MCL1: variants seen among roughly 807,000 people sequenced by gnomAD.
MCL1 encodes induced myeloid leukemia cell differentiation protein Mcl-1.
A neutral mutation model predicts 24.2 loss-of-function variants in MCL1; 4 were observed. That is an observed-to-expected ratio of 0.17 (90% confidence interval 0.08 to 0.38). The LOEUF (loss-of-function observed/expected upper bound fraction) is 0.38. Among genes scored for constraint, MCL1 ranks in the 10% least tolerant of loss-of-function variants. The pLI is 1.00. For missense variants in MCL1, 529 were observed against 480.3 expected (o/e 1.10, Z -0.95); for synonymous variants, 248 against 214.0 (o/e 1.16, Z -1.39).
At position 150,575,569 on chromosome 1, in the gene MCL1, AAAC is replaced by A. The variant is rs1647763994; in HGVS notation, c.*1803_*1805del. 2 of 233,074 alleles carry A rather than the reference AAAC, an allele frequency of 8.6e-6. No homozygotes were observed. Among genetic ancestry groups the A allele is most frequent in the Non-Finnish European group, 8.5e-6 (1 of 117,998 alleles). 14.4% of individuals were successfully genotyped at this position (233,074 alleles called of 1,614,324 possible). The stretch of plus-strand genomic sequence containing the variant: ...ACACATTGCCCCCAAAGACAGGATA[AAAC>A]AATAGTTGAAAAGATACCAGTCCAA... On this transcript the variant is annotated 3_prime_UTR_variant, in exon 3 of 3. Transcript: ENST00000369026.
In MCL1 at chr1:150,575,701, T is replaced by G. The variant is rs906932161; in HGVS notation, c.*1674A>C. ...AAGTTCGTGAAAGATGAAAGGTCTG[T>G]GGACTCTTGGTGGGGAGGGAGGGTC... On this transcript the variant is annotated 3_prime_UTR_variant, in exon 3 of 3. Coordinates refer to ENST00000369026, the MANE Select transcript of MCL1 (RefSeq NM_021960.5). The G allele has an allele frequency of 8.6e-6, 2 of 233,086 alleles. No homozygotes were observed. The highest frequency in any genetic ancestry group is 4.4e-5 in the African/African-American group (2 of 45,326). 14.4% of individuals were successfully genotyped at this position (233,086 alleles called of 1,614,324 possible).
At position 150,579,005 on chromosome 1, in the gene MCL1, G is replaced by A. The variant is rs2101698293; in HGVS notation, c.526C>T (p.Arg176Trp). Residue 176 changes from arginine (R) to tryptophan (W), a missense_variant, in exon 1 of 3, where the codon CGG (arginine) becomes TGG (tryptophan). Coordinates refer to ENST00000369026, the MANE Select transcript of MCL1 (RefSeq NM_021960.5). ...CGAGAGATAATCTCCAGCGACTGCC[G>A]GTACAACTCGTCCTCCTCCTCCTCT... ...PAEEEEDELY[R>W]QSLEIISRYL... 4 of 1,613,592 alleles carry A rather than the reference G, an allele frequency of 2.5e-6. No individual in the cohort carries two copies. The highest frequency in any genetic ancestry group is 1.1e-5 in the South Asian group (1 of 91,078).
At position 150,576,992 on chromosome 1, in the gene MCL1, C is replaced by T. The variant is rs947252336; in HGVS notation, c.*383G>A. The T allele has an allele frequency of 1.7e-5, 5 of 286,578 alleles. No homozygotes were observed. In the South Asian group the frequency reaches 2.0e-4, roughly 11 times the overall value. The allele number at this position is 286,578 out of a possible 1,614,324, so 17.8% of individuals were successfully genotyped here. A position where few individuals can be genotyped will look rare whatever the true frequency, so the allele number is the denominator to read the frequency against. ...ATTCTTAGTGCTTCTCTTAACACTACAGTAAATTAATGAATTCGGCGGGTA... is the reference window on the plus strand; with the variant it reads ...ATTCTTAGTGCTTCTCTTAACACTATAGTAAATTAATGAATTCGGCGGGTA... On this transcript the variant is annotated 3_prime_UTR_variant, in exon 3 of 3. Coordinates refer to ENST00000369026, the MANE Select transcript of MCL1 (RefSeq NM_021960.5).
At chr1:150,578,798 T>C (rs1370760935) in intron 1 of MCL1, 45 bp downstream of exon 1, 3 of 1,568,360 alleles carry the variant, frequency 1.9e-6, no homozygotes, top group African/African-American at 2.7e-5. Context: ...CGGGGAGAGA[T>C]GGAAAAAAGG....
At position 150,574,717 on chromosome 1, in the gene MCL1, A is replaced by AC. The variant is rs1036627235; in HGVS notation, c.*2657dup. The AC allele has an allele frequency of 3.4e-5, 8 of 233,038 alleles. No individual in the cohort carries two copies. The highest frequency in any genetic ancestry group is 6.6e-5 in the African/African-American group (3 of 45,310). The allele number at this position is 233,038 out of a possible 1,614,324, so 14.4% of individuals were successfully genotyped here. Reference sequence around the variant, plus strand: ...ACCAGAACCAAGGTGTTCACCCCCCACAGAATGTACATGAAACACTAGAGG... The same window carrying AC: ...ACCAGAACCAAGGTGTTCACCCCCCACCAGAATGTACATGAAACACTAGAGG... On this transcript the variant is annotated 3_prime_UTR_variant, in exon 3 of 3. Coordinates refer to ENST00000369026, the MANE Select transcript of MCL1 (RefSeq NM_021960.5).
At position 150,579,484 on chromosome 1, in the gene MCL1, C is replaced by T. The variant is rs2101700960; in HGVS notation, c.47G>A (p.Cys16Tyr). ...GCCGGCCCCCAAGCCGGCCCCCCCA[C>T]AGTAGAGGTTGAGTCCGATTACCGC... ...RNAVIGLNLY[C>Y]GGAGLGAGSG... Residue 16 changes from cysteine to tyrosine, a missense_variant, in exon 1 of 3, where the codon TGT becomes TAT. Coordinates refer to ENST00000369026, the MANE Select transcript of MCL1 (RefSeq NM_021960.5). The T allele has an allele frequency of 2.5e-6, 4 of 1,597,166 alleles. No individual in the cohort carries two copies. Among genetic ancestry groups the T allele is most frequent in the Non-Finnish European group, 3.4e-6 (4 of 1,173,340 alleles).
chr1:150,578,148 G>T, intron 2 of MCL1, 96 bp downstream of exon 2: 2 of 1,339,210 alleles, frequency 1.5e-6, no homozygotes, highest in Non-Finnish European at 1.0e-6. Context: ...AAACAGCCGT[G>T]CGTCATAAAA....
rs1164698699 is a variant in MCL1 at position 150,575,556 on chromosome 1, C to T, written c.*1819G>A. 1 of 232,984 alleles carries T rather than the reference C, an allele frequency of 4.3e-6. No homozygotes were observed. The highest frequency in any genetic ancestry group is 8.5e-6 in the Non-Finnish European group (1 of 117,966). 14.4% of individuals were successfully genotyped at this position (232,984 alleles called of 1,614,324 possible). ...GAGGGGACTTTTGACACATTGCCCC[C>T]AAAGACAGGATAAAACAATAGTTGA... On this transcript the variant is annotated 3_prime_UTR_variant, in exon 3 of 3. Transcript: ENST00000369026.
At position 150,575,859 on chromosome 1, in the gene MCL1, G is replaced by A; in HGVS notation, c.*1516C>T. On this transcript the variant is annotated 3_prime_UTR_variant, in exon 3 of 3. Coordinates refer to ENST00000369026, the MANE Select transcript of MCL1 (RefSeq NM_021960.5). Reference sequence around the variant, plus strand: ...GGAGCAGAACAATCAGCAATTTCAAGGAAGGACAGGAAATAAAAGGTTAAG... The same window carrying A: ...GGAGCAGAACAATCAGCAATTTCAAAGAAGGACAGGAAATAAAAGGTTAAG... The A allele has an allele frequency of 4.3e-6, 1 of 233,478 alleles. No homozygotes were observed. The highest frequency in any genetic ancestry group is 8.5e-6 in the Non-Finnish European group (1 of 118,004). The allele number at this position is 233,478 out of a possible 1,614,324, so 14.5% of individuals were successfully genotyped here.
chr1:150,579,028 T>A lies in MCL1; in HGVS notation c.503A>T (p.Glu168Val). The A allele has an allele frequency of 6.2e-7, 1 of 1,613,482 alleles. No individual in the cohort carries two copies. Among genetic ancestry groups the A allele is most frequent in the Non-Finnish European group, 8.5e-7 (1 of 1,179,992 alleles). The change falls in exon 1 of 3, where the codon GAG becomes GTG. Residue 168 changes from glutamate to valine, a missense_variant. By Grantham distance (121) the Glu-to-Val change is moderately radical. Coordinates refer to ENST00000369026, the MANE Select transcript of MCL1 (RefSeq NM_021960.5). ...CCGGTACAACTCGTCCTCCTCCTCC[T>A]CTGCTGGCGGCGGCGTCGAGGGTAG... ...GSLPSTPPPA[E>V]EEEDELYRQS...
intron 1 of MCL1, 146 bp from the exon 2 acceptor site, chr1:150,578,637 C>T (rs2101696892): frequency 1.8e-6 from 2 of 1,113,170 alleles, no homozygotes; most frequent in Non-Finnish European, 1.3e-6. Flanking sequence ...CCACCCTTTC[C>T]GGTCTTTGAA....
chr1:150,579,120 C>G lies in MCL1; in HGVS notation c.411G>C (p.Arg137=). Residue 137 remains arginine (R), a synonymous_variant, in exon 1 of 3, where the codon CGG becomes CGC. Transcript: ENST00000369026. ...DGYEPEPLGK[R]PAVLPLLELV... is the part of the protein sequence containing the mutation. ...ACTCCAGCAGCGGCAGGACAGCCGG[C>G]CGCTTCCCGAGAGGCTCCGGCTCGT... 8.7e-6 allele frequency: 14 copies of G among 1,612,804 alleles called. No homozygotes were observed. Among genetic ancestry groups the G allele is most frequent in the Non-Finnish European group, 1.2e-5 (14 of 1,180,032 alleles).
At chr1:150,578,731 AGACACGTTTCAACACT>A in intron 1 of MCL1, 96 bp downstream of exon 1, 1 of 1,191,972 alleles carries the variant, frequency 8.4e-7, no homozygotes, top group Non-Finnish European at 1.2e-6. Context: ...GAATAGGATG[AGACACGTTTCAACACT>A]GACTCGTTTC....
rs587770746 is a variant in MCL1, at chr1:150,575,394, C to A, written c.*1981G>T. 1 of 233,014 alleles carries A rather than the reference C, an allele frequency of 4.3e-6. No individual in the cohort carries two copies. The highest frequency in any genetic ancestry group is 2.2e-5 in the African/African-American group (1 of 45,444). The allele number at this position is 233,014 out of a possible 1,614,324, so 14.4% of individuals were successfully genotyped here. ...ACCCTAGTTCCAATATAGACACTTT[C>A]TTCAGTTTATCAGTAGCTTTTAAAC... is the stretch of plus-strand genomic sequence containing the variant. On this transcript the variant is annotated 3_prime_UTR_variant, in exon 3 of 3. Transcript: ENST00000369026.
chr1:150,578,656 G>T, intron 1 of MCL1, 165 bp from the exon 2 acceptor site: 2 of 1,032,784 alleles, frequency 1.9e-6, no homozygotes, highest in Non-Finnish European at 1.4e-6. Flanking sequence ...AACAAGAGCT[G>T]CCATTTCCAA....
Position 150,576,604 on chromosome 1 carries a change from A to G in MCL1, c.*771T>C. 4.3e-6 allele frequency: 1 copy of G among 232,468 alleles called. No individual in the cohort carries two copies. Among genetic ancestry groups the G allele is most frequent in the East Asian group, 6.1e-5 (1 of 16,296 alleles). 14.4% of individuals were successfully genotyped at this position (232,468 alleles called of 1,614,324 possible). ...CTAATTACGGAAGTTGCAAAGTTCA[A>G]AAGGGTATGAAAAAAACTAATGTAA... On this transcript the variant is annotated 3_prime_UTR_variant, in exon 3 of 3. Transcript: ENST00000369026.
At chr1:150,578,164 T>C (rs1001856748) in intron 2 of MCL1, 80 bp downstream of exon 2, 10 of 1,498,916 alleles carry the variant, frequency 6.7e-6, no homozygotes, top group Non-Finnish European at 9.0e-6. Flanking sequence ...TAAAAACCTT[T>C]AGATATCCCC....
Position 150,578,913 on chromosome 1 carries a change from G to A in MCL1, c.618C>T (p.Ser206=), listed in dbSNP as rs757777960. ...GTCGTAAGGTCTCCAGCGCCTTCCT[G>A]CTGGTGGCCCCAGACCTGCCCATTG... ...TKPMGRSGAT[S]RKALETLRRV... Residue 206 remains serine, a synonymous_variant, in exon 1 of 3, where the codon AGC becomes AGT. Transcript: ENST00000369026. 2.5e-6 allele frequency: 4 copies of A among 1,613,712 alleles called. No homozygotes were observed. Among genetic ancestry groups the A allele is most frequent in the Non-Finnish European group, 3.4e-6 (4 of 1,180,036 alleles).
At chr1:150,577,579 T>C (rs963938548) in intron 2 of MCL1, 88 bp from the exon 3 acceptor site, 2 of 1,370,450 alleles carry the variant, frequency 1.5e-6, no homozygotes, top group Admixed American at 5.0e-5. Flanking sequence ...TAAATTAAAA[T>C]ATCTAAGGTT....
Sources: gnomAD v4.1 joint callset for allele counts on GRCh38, gnomAD v4.1.1 for gene constraint, MANE v1.5 for transcripts, NCBI Gene and HGNC (gene_info 2026-07-23, HGNC 2026-07-21) for gene names.